The following FTO variants were observed in gnomAD, a reference collection of about 807,000 sequenced individuals.
FTO encodes the protein alpha-ketoglutarate-dependent dioxygenase FTO.
In FTO, 47 loss-of-function variants were observed where a neutral mutation model predicts 63.9. The observed-to-expected ratio is 0.74, with a 90% confidence interval of 0.58 to 0.94. The LOEUF (loss-of-function observed/expected upper bound fraction) is 0.94, where lower values mean the gene tolerates loss of function less well. Among genes scored for constraint, FTO ranks in the 40% least tolerant of loss-of-function variants. FTO has a pLI of 0.00. For missense variants in FTO, 562 were observed against 618.1 expected, an observed-to-expected ratio of 0.91 and a Z score of 0.96; for synonymous variants, 207 against 224.4, an observed-to-expected ratio of 0.92 and a Z score of 0.69.
intron 7 of FTO, among the ~76,000 whole-genome samples, chr16:53,897,861 G>C (rs1361311401): frequency 6.6e-6 from 1 of 152,112 alleles, no homozygotes; most frequent in African/African-American, 2.4e-5. Flanking sequence ...GAACTGTCCA[G>C]TTGCCCAGAC....
At chr16:54,093,814 A>G (rs551269369) in intron 8 of FTO, among the ~76,000 whole-genome samples, 74 of 152,096 alleles carry the variant, frequency 4.9e-4, no homozygotes, top group Non-Finnish European at 9.1e-4. Context: ...CCCCATCTCT[A>G]CCAGGCACGT....
chr16:53,781,524 G>A (rs987000329), intron 1 of FTO, among the ~76,000 whole-genome samples: 1 of 152,194 alleles, frequency 6.6e-6, no homozygotes, highest in African/African-American at 2.4e-5. Context: ...TTGGAGATGT[G>A]TAGGGTAGTG....
intron 8 of FTO, among the ~76,000 whole-genome samples, chr16:53,967,698 G>A (rs568632848): frequency 5.3e-5 from 8 of 152,192 alleles, no homozygotes; most frequent in South Asian, 4.1e-4. Context: ...ACTTTTTGTC[G>A]AGACTGTGGG....
At chr16:53,728,216 G>A (rs1266561508) in intron 1 of FTO, among the ~76,000 whole-genome samples, 1 of 152,036 alleles carries the variant, frequency 6.6e-6, no homozygotes, top group Non-Finnish European at 1.5e-5. Context: ...TCCAGCCTGG[G>A]CAACAGTGCT....
At chr16:53,784,813 C>G (rs1280351216) in intron 1 of FTO, among the ~76,000 whole-genome samples, 1 of 152,016 alleles carries the variant, frequency 6.6e-6, no homozygotes, top group Non-Finnish European at 1.5e-5. Flanking sequence ...TCAGATATTG[C>G]AGATATGTTC....
intron 6 of FTO, among the ~76,000 whole-genome samples, chr16:53,881,122 A>AAAATAAAT (rs60470419): frequency 1.7e-3 from 252 of 145,522 alleles, no homozygotes; most frequent in African/African-American, 5.3e-3. Context: ...ACTCCGTCTC[A>AAAATAAAT]AAATAAATAA....
At chr16:53,870,748 CATG>C (rs777876271) in intron 4 of FTO, among the ~76,000 whole-genome samples, 11 of 152,148 alleles carry the variant, frequency 7.2e-5, no homozygotes, top group Non-Finnish European at 1.3e-4. Context: ...TTTATTCTTT[CATG>C]ATATTTGTTA....
chr16:54,002,953 T>C (rs1567509156), intron 8 of FTO, among the ~76,000 whole-genome samples: 3 of 152,218 alleles, frequency 2.0e-5, no homozygotes, highest in African/African-American at 7.2e-5. Context: ...CATCCTCCCC[T>C]GGGGGGCTCT....
intron 8 of FTO, among the ~76,000 whole-genome samples, chr16:54,066,818 T>C (rs2085743678): frequency 6.6e-6 from 1 of 152,184 alleles, no homozygotes; most frequent in Admixed American, 6.5e-5. Flanking sequence ...GGGACAAACA[T>C]TGAAGGCACA....
chr16:53,982,265 T>C (rs1274708571), intron 8 of FTO, among the ~76,000 whole-genome samples: 1 of 152,200 alleles, frequency 6.6e-6, no homozygotes, highest in African/African-American at 2.4e-5. Flanking sequence ...CAATAGGGCA[T>C]GGTATACCTC....
At chr16:53,941,252 T>C (rs766431601) in intron 8 of FTO, among the ~76,000 whole-genome samples, 3 of 152,208 alleles carry the variant, frequency 2.0e-5, no homozygotes, top group Non-Finnish European at 4.4e-5. Flanking sequence ...AATATCAAGA[T>C]GAGTATGACG....
intron 1 of FTO, among the ~76,000 whole-genome samples, chr16:53,722,666 A>G (rs1318110612): frequency 6.6e-6 from 1 of 152,034 alleles, no homozygotes; most frequent in Non-Finnish European, 1.5e-5. Flanking sequence ...GTCTCTACTA[A>G]AGATACAAAA....
At chr16:54,098,676 C>G (rs2086567455) in intron 8 of FTO, among the ~76,000 whole-genome samples, 1 of 152,210 alleles carries the variant, frequency 6.6e-6, no homozygotes, top group East Asian at 1.9e-4. Context: ...TGTAGAAAAA[C>G]AGGCTGTTTG....
intron 7 of FTO, among the ~76,000 whole-genome samples, chr16:53,931,871 A>ACACACAC (rs2082292335): frequency 1.3e-4 from 19 of 145,798 alleles, no homozygotes; most frequent in African/African-American, 4.6e-4. Flanking sequence ...TTTTACATTA[A>ACACACAC]ACACACACAC....
chr16:53,790,895 A>G (rs73612049), intron 1 of FTO, among the ~76,000 whole-genome samples: 3,494 of 152,268 alleles, frequency 0.023, 142 homozygotes, highest in African/African-American at 0.079. Flanking sequence ...AGTTTAGTAG[A>G]AAAAGAAAGG....
chr16:53,873,870 G>C lies in FTO; in HGVS notation c.975+5G>C. On this transcript the variant is annotated splice_donor_5th_base_variant and intron_variant, in intron 5 of 8. Coordinates refer to ENST00000471389, the MANE Select transcript of FTO (RefSeq NM_001080432.3). ...TCCACCCACCGAGTGGCAGAGGTAA[G>C]TGTAAATAAAAATGTGATTCACACC... 1 of 1,608,754 alleles carries C rather than the reference G, an allele frequency of 6.2e-7. No homozygotes were observed. Among genetic ancestry groups the C allele is most frequent in the Non-Finnish European group, 8.5e-7 (1 of 1,175,602 alleles).
chr16:53,978,322 G>C (rs1180401173), intron 8 of FTO, among the ~76,000 whole-genome samples: 1 of 152,180 alleles, frequency 6.6e-6, no homozygotes, highest in Non-Finnish European at 1.5e-5. Context: ...GATGCCAGGA[G>C]TCCTAAGCTT....
At chr16:53,753,122 G>A (rs1384411906) in intron 1 of FTO, among the ~76,000 whole-genome samples, 2 of 151,652 alleles carry the variant, frequency 1.3e-5, no homozygotes, top group African/African-American at 2.4e-5. Context: ...GCATGATGGC[G>A]TGCACATGTA....
At chr16:54,109,432 G>C (rs2086827122) in intron 8 of FTO, among the ~76,000 whole-genome samples, 1 of 152,174 alleles carries the variant, frequency 6.6e-6, no homozygotes, top group Non-Finnish European at 1.5e-5. Flanking sequence ...CTGGGTCCAA[G>C]TGATTCTCGT....
Sources: allele counts gnomAD v4.1 joint callset (sites outside exome capture counted in the v4.1 genomes callset), GRCh38; gene constraint gnomAD v4.1.1; transcripts MANE v1.5; gene names NCBI Gene and HGNC (gene_info 2026-07-23, HGNC 2026-07-21).